MAPK10: variants seen among roughly 807,000 people sequenced by gnomAD.
The protein encoded by MAPK10 is mitogen-activated protein kinase 10.
Under a neutral mutation model 59.3 loss-of-function variants are expected in MAPK10, and 25 were observed. That is an observed-to-expected ratio of 0.42 (90% CI 0.31 to 0.59). MAPK10 has a LOEUF of 0.59. MAPK10 is among the 20% of genes least tolerant of loss of function. The probability of loss-of-function intolerance (pLI) is 0.15; values close to 1 mark genes in which losing one functional copy is unlikely to be tolerated. For missense variants in MAPK10, 351 were observed against 568.9 expected, an observed-to-expected ratio of 0.62 and a Z score of 3.90; for synonymous variants, 190 against 200.5, an observed-to-expected ratio of 0.95 and a Z score of 0.44.
At chr4:86,029,739 T>C (rs2038501297) in intron 12 of MAPK10, among the ~76,000 whole-genome samples, 1 of 152,186 alleles carries the variant, frequency 6.6e-6, no homozygotes, top group African/African-American at 2.4e-5. Context: ...TTTATACTTA[T>C]TTCCTATGAA....
intron 1 of MAPK10, among the ~76,000 whole-genome samples, chr4:86,425,474 C>G (rs948443365): frequency 6.6e-6 from 1 of 151,964 alleles, no homozygotes. Context: ...CACTAGACTA[C>G]TACAAACACA....
At chr4:86,044,899 C>T (rs969410333) in intron 11 of MAPK10, 2 of 395,146 alleles carry the variant, frequency 5.1e-6, no homozygotes, top group Non-Finnish European at 8.9e-6. Context: ...AAATGTTCAA[C>T]AAATATCATA....
At chr4:86,263,768 C>G (rs767110110) in intron 2 of MAPK10, among the ~76,000 whole-genome samples, 1 of 152,158 alleles carries the variant, frequency 6.6e-6, no homozygotes, top group Non-Finnish European at 1.5e-5. Context: ...CTATCTTTAC[C>G]TGTGAGGTTT....
At chr4:86,290,313 G>A (rs2095180134) in intron 2 of MAPK10, among the ~76,000 whole-genome samples, 1 of 152,210 alleles carries the variant, frequency 6.6e-6, no homozygotes, top group African/African-American at 2.4e-5. Flanking sequence ...CAAGTAATTT[G>A]AGAACTGAGA....
chr4:86,098,085 A>T (rs9884770), intron 9 of MAPK10, among the ~76,000 whole-genome samples: 1 of 151,946 alleles, frequency 6.6e-6, no homozygotes, highest in African/African-American at 2.4e-5. Flanking sequence ...CAACAAAGCC[A>T]TAGACAGAAG....
chr4:86,453,309 G>A (rs1750938610), upstream of MAPK10: 1 of 152,534 alleles, frequency 6.6e-6, no homozygotes, highest in African/African-American at 2.4e-5. Flanking sequence ...GGAAGAAGGA[G>A]AGCCCTGTTT....
At chr4:86,044,705 A>G (rs1284507643) in intron 11 of MAPK10, 1 of 397,502 alleles carries the variant, frequency 2.5e-6, no homozygotes, top group African/African-American at 2.1e-5. Context: ...CAGTCCGTAG[A>G]CTAAAGTGAG....
intron 1 of MAPK10, among the ~76,000 whole-genome samples, chr4:86,392,682 T>C (rs1407228006): frequency 6.6e-6 from 1 of 151,922 alleles, no homozygotes; most frequent in African/African-American, 2.4e-5. Context: ...CTAAGGATAG[T>C]GTCAGATACA....
intron 7 of MAPK10, chr4:86,101,550 C>A: frequency 2.7e-6 from 1 of 377,042 alleles, no homozygotes; most frequent in East Asian, 4.9e-5. Flanking sequence ...CTAGGCCTGA[C>A]AGAAGAACAG....
intron 1 of MAPK10, among the ~76,000 whole-genome samples, chr4:86,485,241 C>A (rs377522381): frequency 1.3e-5 from 2 of 152,174 alleles, no homozygotes; most frequent in Non-Finnish European, 2.9e-5. Flanking sequence ...CCCAACCACA[C>A]TAAATTGATC....
At chr4:86,549,634 G>A (rs1759598954) in intron 1 of MAPK10, among the ~76,000 whole-genome samples, 1 of 152,152 alleles carries the variant, frequency 6.6e-6, no homozygotes, top group East Asian at 1.9e-4. Flanking sequence ...TTTATAAACA[G>A]GCTGTTTATT....
At chr4:86,233,645 T>C (rs940304926) in intron 2 of MAPK10, among the ~76,000 whole-genome samples, 1 of 152,128 alleles carries the variant, frequency 6.6e-6, no homozygotes, top group African/African-American at 2.4e-5. Flanking sequence ...AGGTAATCCA[T>C]AGCCTCCGAG....
chr4:86,501,372 C>A (rs1309843077), intron 1 of MAPK10, among the ~76,000 whole-genome samples: 2 of 151,782 alleles, frequency 1.3e-5, no homozygotes, highest in African/African-American at 4.8e-5. Flanking sequence ...TATATTTTTT[C>A]TGAACCAAGG....
In MAPK10 at chr4:86,256,013, C is replaced by A. The variant is rs7687046; in HGVS notation, c.-6-61606G>T. 9.2e-3 allele frequency among the ~76,000 whole-genome samples: 1,394 copies of A among 152,146 alleles called. 33 individuals carry two copies. The highest frequency in any genetic ancestry group is 0.032 in the African/African-American group (1,330 of 41,504). ...TAGAGAAAACAAATGGAAAGGAAGG[C>A]GAGCAGGTGTCAGACAGGTACAGTA... On this transcript the variant is annotated intron_variant, in intron 2 of 13. Transcript: ENST00000641462.
At chr4:86,132,362 T>C (rs1187193549) in intron 4 of MAPK10, among the ~76,000 whole-genome samples, 1 of 152,214 alleles carries the variant, frequency 6.6e-6, no homozygotes, top group Non-Finnish European at 1.5e-5. Flanking sequence ...TTTTTTGTAT[T>C]GGGAAATGCA....
chr4:86,047,877 G>A (rs1171907859), intron 11 of MAPK10, among the ~76,000 whole-genome samples: 2 of 152,090 alleles, frequency 1.3e-5, no homozygotes, highest in African/African-American at 2.4e-5. Context: ...AAAATTCTAG[G>A]CATTCTGCAG....
At chr4:86,436,418 T>C (rs1748722503) in intron 1 of MAPK10, among the ~76,000 whole-genome samples, 1 of 152,170 alleles carries the variant, frequency 6.6e-6, no homozygotes, top group Admixed American at 6.5e-5. Flanking sequence ...AACAACCCAG[T>C]GAGTTAAGAG....
Position 86,017,371 on chromosome 4 carries a change from C to T in MAPK10, c.1253-1G>A. 2 of 1,613,954 alleles carry T rather than the reference C, an allele frequency of 1.2e-6. No individual in the cohort carries two copies. The highest frequency in any genetic ancestry group is 1.7e-6 in the Non-Finnish European group (2 of 1,179,912). On this transcript the variant is annotated splice_acceptor_variant, in intron 13 of 13. Transcript: ENST00000641462. LOFTEE classifies it high-confidence loss of function. This position sits in a 1 kb window ranked among gnomAD's most constrained non-coding sequence, Gnocchi z 4.4. ...CTCTCACTGCTGTTCACTGCTGCAC[C>T]TGTGCTAAGAAAATGAAGACCAACA...
At chr4:86,456,728 T>C (rs1396638411), upstream of MAPK10, among the ~76,000 whole-genome samples, 2 of 152,084 alleles carry the variant, frequency 1.3e-5, no homozygotes, top group African/African-American at 4.8e-5. Context: ...TACCAGACAT[T>C]CAAAGAAGAA....
Sources: allele counts gnomAD v4.1 joint callset (sites outside exome capture counted in the v4.1 genomes callset), GRCh38; gene constraint gnomAD v4.1.1; non-coding constraint Gnocchi (gnomAD v3.1); transcripts MANE v1.5; gene names NCBI Gene and HGNC (gene_info 2026-07-23, HGNC 2026-07-21).